Variants in MALRD1 observed in about 807,000 individuals in gnomAD.
MALRD1 encodes the protein MAM and LDL-receptor class A domain-containing protein 1.
In MALRD1, 247 loss-of-function variants were observed where a neutral mutation model predicts 242.1. The observed-to-expected ratio is 1.02, with a 90% CI of 0.92 to 1.13. MALRD1 has a LOEUF of 1.13. Ranked by LOEUF, MALRD1 falls within the 50% of genes most tolerant of loss-of-function variation. The pLI is 0.00. For synonymous variants in MALRD1, 995 were observed against 866.6 expected, an observed-to-expected ratio of 1.15 and a Z score of -2.60; for missense variants, 2,989 against 2,533.1, an observed-to-expected ratio of 1.18 and a Z score of -3.86.
chr10:19,646,295 A>C (rs1840653106), intron 36 of MALRD1, among the ~76,000 whole-genome samples: 1 of 152,196 alleles, frequency 6.6e-6, no homozygotes, highest in African/African-American at 2.4e-5. Flanking sequence ...AATGACCAAA[A>C]TAGTTGTAGA....
rs1836894403 is a variant in MALRD1, at chr10:19,577,651, C to A, written c.5680+9948C>A. Among the ~76,000 whole-genome samples, 4 of 152,120 alleles carry A rather than the reference C, an allele frequency of 2.6e-5. No homozygotes were observed. In the South Asian group the frequency reaches 8.3e-4, roughly 32 times the overall value. On this transcript the variant is annotated intron_variant, in intron 33 of 39. Transcript: ENST00000454679. ...TCATCCAGAACTCAAAGATAAAACA[C>A]AAATCACTGTCCCAACACTCTGTCT...
intron 19 of MALRD1, among the ~76,000 whole-genome samples, chr10:19,271,902 T>G (rs571042594): frequency 5.3e-5 from 8 of 152,278 alleles, no homozygotes; most frequent in Non-Finnish European, 1.0e-4. Context: ...ACTACTCACC[T>G]TGAGAGATGA....
At chr10:19,256,568 C>T (rs774575371) in intron 18 of MALRD1, among the ~76,000 whole-genome samples, 1 of 151,972 alleles carries the variant, frequency 6.6e-6, no homozygotes, top group Non-Finnish European at 1.5e-5. Context: ...GTCAGGGGGA[C>T]TATATTTGCC....
chr10:19,317,076 T>A (rs114496024), intron 21 of MALRD1, among the ~76,000 whole-genome samples: 2,375 of 151,356 alleles, frequency 0.016, 56 homozygotes, highest in African/African-American at 0.046. Context: ...ACTTAAAAAA[T>A]TTTTTTAAAG....
intron 36 of MALRD1, among the ~76,000 whole-genome samples, chr10:19,631,910 A>G (rs1839918649): frequency 6.6e-6 from 1 of 152,162 alleles, no homozygotes. Flanking sequence ...CTAGTTTGCA[A>G]AGATTTTCTC....
intron 31 of MALRD1, among the ~76,000 whole-genome samples, chr10:19,502,191 T>C (rs1007838611): frequency 6.6e-6 from 1 of 152,062 alleles, no homozygotes. Flanking sequence ...GTCCTTTTAA[T>C]ATTTACTTTT....
intron 2 of MALRD1, among the ~76,000 whole-genome samples, chr10:19,078,564 C>G (rs562185911): frequency 1.3e-4 from 20 of 151,662 alleles, no homozygotes; most frequent in Non-Finnish European, 2.7e-4. Context: ...GTGTTTCTTC[C>G]TCTTTTGTTT....
At chr10:19,375,082 A>G (rs1358899210) in intron 26 of MALRD1, among the ~76,000 whole-genome samples, 1 of 152,098 alleles carries the variant, frequency 6.6e-6, no homozygotes, top group Non-Finnish European at 1.5e-5. Flanking sequence ...AAAGCTTTTT[A>G]TTGACCGGAG....
At chr10:19,269,339 TCA>T (rs952607267) in intron 19 of MALRD1, among the ~76,000 whole-genome samples, 20 of 152,384 alleles carry the variant, frequency 1.3e-4, no homozygotes, top group African/African-American at 4.3e-4. Context: ...ACAGGAGCTC[TCA>T]CGCGCTCTCT....
chr10:19,066,624 G>A lies in MALRD1; in HGVS notation c.200-95G>A, dbSNP rs1834988214. The A allele has an allele frequency of 1.2e-5, 11 of 948,612 alleles. No homozygotes were observed. The Admixed American group carries it at 1.7e-4, about 15-fold the overall frequency. 58.8% of individuals were successfully genotyped at this position (948,612 alleles called of 1,614,324 possible). ...AGGAATAATCTTTATGTTGACTTAT[G>A]TCATTTGTTGCTAAACTTTATTTTT... On this transcript the variant is annotated intron_variant, in intron 1 of 39. Transcript: ENST00000454679.
At chr10:19,388,157 A>C (rs1368710622) in intron 27 of MALRD1, among the ~76,000 whole-genome samples, 1 of 152,090 alleles carries the variant, frequency 6.6e-6, no homozygotes, top group Non-Finnish European at 1.5e-5. Context: ...CTCTGTAAGC[A>C]TGTCTGTTTT....
rs150923246 is a variant in MALRD1 at position 19,237,070 on chromosome 10, G to A, written c.2992-20614G>A. Among the ~76,000 whole-genome samples the A allele has an allele frequency of 3.2e-3, 485 of 152,038 alleles. 9 individuals carry two copies. The highest frequency in any genetic ancestry group is 1.4e-3 in the East Asian group (7 of 5,174). ...TGATGTTTCAATGAATATGTATGTT[G>A]TATAATGATCCAATAAGGATAGTTA... On this transcript the variant is annotated intron_variant, in intron 18 of 39. Transcript: ENST00000454679.
chr10:19,573,596 G>T (rs58308289), intron 33 of MALRD1, among the ~76,000 whole-genome samples: 1 of 151,640 alleles, frequency 6.6e-6, no homozygotes, highest in Non-Finnish European at 1.5e-5. Context: ...CCCTAAAAAA[G>T]AAAAAATTTT....
At chr10:19,427,360 A>G (rs1228699555) in intron 28 of MALRD1, among the ~76,000 whole-genome samples, 1 of 152,230 alleles carries the variant, frequency 6.6e-6, no homozygotes, top group Non-Finnish European at 1.5e-5. Flanking sequence ...TTGAGAGGCT[A>G]AACCAAATCA....
Position 19,444,768 on chromosome 10 carries a change from T to A in MALRD1, c.4846-5539T>A, listed in dbSNP as rs530627991. Reference sequence around the variant, plus strand: ...TTTTTCCTTCATTTCAACTTTGGTGTATCTGACAATTATGTGTCTTGGAGT... The same window carrying A: ...TTTTTCCTTCATTTCAACTTTGGTGAATCTGACAATTATGTGTCTTGGAGT... On this transcript the variant is annotated intron_variant, in intron 28 of 39. Transcript: ENST00000454679. Among the ~76,000 whole-genome samples the A allele has an allele frequency of 1.1e-3, 163 of 152,276 alleles. 3 individuals carry two copies. Among genetic ancestry groups the A allele is most frequent in the Admixed American group, 9.6e-3 (146 of 15,280 alleles).
intron 26 of MALRD1, among the ~76,000 whole-genome samples, chr10:19,373,316 C>A (rs1197891850): frequency 6.6e-6 from 1 of 151,292 alleles, no homozygotes; most frequent in Non-Finnish European, 1.5e-5. Flanking sequence ...GCCTGGCCAA[C>A]ATGGTGAAAC....
intron 29 of MALRD1, among the ~76,000 whole-genome samples, chr10:19,458,818 C>T (rs972860297): frequency 2.0e-5 from 3 of 152,138 alleles, no homozygotes; most frequent in Admixed American, 6.6e-5. Context: ...AGTATATCTA[C>T]ATCTGCCTCA....
intron 31 of MALRD1, among the ~76,000 whole-genome samples, chr10:19,502,540 G>C (rs1838022621): frequency 6.6e-6 from 1 of 151,978 alleles, no homozygotes; most frequent in Non-Finnish European, 1.5e-5. Flanking sequence ...TCTCCATTAT[G>C]ATAAATATCA....
chr10:19,725,460 A>G (rs978647980), intron 38 of MALRD1, among the ~76,000 whole-genome samples: 1 of 152,164 alleles, frequency 6.6e-6, no homozygotes, highest in Non-Finnish European at 1.5e-5. Flanking sequence ...ACTGTGAGTC[A>G]ATTAAACCTC....
Sources: gnomAD v4.1 joint callset for allele counts (sites outside exome capture counted in the v4.1 genomes callset) on GRCh38, gnomAD v4.1.1 for gene constraint, MANE v1.5 for transcripts, NCBI Gene and HGNC (gene_info 2026-07-23, HGNC 2026-07-21) for gene names.